The following MAX variants were observed in gnomAD, a reference collection of about 807,000 sequenced individuals.
The protein encoded by MAX is protein max.
MAX carries 3 observed loss-of-function variants against 22.3 expected under a neutral mutation model. The observed-to-expected ratio is 0.13, with a 90% CI of 0.06 to 0.35. MAX has a LOEUF of 0.35. Among genes scored for constraint, MAX ranks in the 10% least tolerant of loss-of-function variants. The pLI, the probability that MAX is intolerant of heterozygous loss-of-function variation, is 1.00. For missense variants in MAX, 119 were observed against 209.4 expected (o/e 0.57, Z 2.66); for synonymous variants, 72 against 77.7 (o/e 0.93, Z 0.39).
chr14:65,080,150 G>C (rs2063166397), intron 3 of MAX, among the ~76,000 whole-genome samples: 1 of 152,174 alleles, frequency 6.6e-6, no homozygotes, highest in South Asian at 2.1e-4. Flanking sequence ...GCTACGCATT[G>C]GCCTTGGTGC....
Position 65,078,451 on chromosome 14 carries a change from A to C in MAX, c.172-415T>G, listed in dbSNP as rs1791452648. Among the ~76,000 whole-genome samples, 1 of 151,588 alleles carries C rather than the reference A, an allele frequency of 6.6e-6. No homozygotes were observed. The highest frequency in any genetic ancestry group is 1.5e-5 in the Non-Finnish European group (1 of 67,966). On this transcript the variant is annotated intron_variant, in intron 3 of 4. Transcript: ENST00000358664. This position sits in a 1 kb window ranked among gnomAD's most constrained non-coding sequence, Gnocchi z 6.4. ...ACTCCTGGCCTCAGGTGATCTGCCC[A>C]CCTTGGCCTCCCAAAATGCTGGGAT...
chr14:65,042,612 G>C (rs1379427538), intron 3 of MAX, among the ~76,000 whole-genome samples: 1 of 152,226 alleles, frequency 6.6e-6, no homozygotes, highest in Non-Finnish European at 1.5e-5. Flanking sequence ...ATGGTCTGGG[G>C]GTTAGGGACC....
rs1393519837 is a variant in MAX, at chr14:65,009,523, G to A, written c.172-3239C>T. Among the ~76,000 whole-genome samples the A allele has an allele frequency of 6.6e-6, 1 of 151,876 alleles. No individual in the cohort carries two copies. Among genetic ancestry groups the A allele is most frequent in the East Asian group, 1.9e-4 (1 of 5,186 alleles). ...TTCCCACATCAGAGACCTATATTTC[G>A]CTAGCTTCGTACCCATCATTTCTCG... is the stretch of plus-strand genomic sequence containing the variant. On this transcript the variant is annotated intron_variant, in intron 3 of 3. Coordinates refer to the MAX transcript ENST00000341653. This position sits in a 1 kb window ranked among gnomAD's most constrained non-coding sequence, Gnocchi z 4.2.
rs1247949621 is a variant in MAX at position 65,088,848 on chromosome 14, T to C, written c.171+4860A>G. Among the ~76,000 whole-genome samples the C allele has an allele frequency of 6.6e-6, 1 of 151,460 alleles. No homozygotes were observed. Among genetic ancestry groups the C allele is most frequent in the African/African-American group, 2.4e-5 (1 of 41,372 alleles). On this transcript the variant is annotated intron_variant, in intron 3 of 4. Coordinates refer to ENST00000358664, the MANE Select transcript of MAX (RefSeq NM_002382.5). The surrounding 1 kb of genome is among the most constrained non-coding windows in gnomAD (Gnocchi z 5.2). ...ATATTAAGTATAATATATAAATGTGTGTACATAAAAGTATAAATGCTATGA... is the reference window on the plus strand; with the variant it reads ...ATATTAAGTATAATATATAAATGTGCGTACATAAAAGTATAAATGCTATGA...
chr14:65,030,696 C>T lies in MAX; in HGVS notation c.172-24412G>A, dbSNP rs1459117353. Among the ~76,000 whole-genome samples the T allele has an allele frequency of 2.6e-5, 4 of 151,466 alleles. No individual in the cohort carries two copies. The highest frequency in any genetic ancestry group is 4.4e-5 in the Non-Finnish European group (3 of 67,944). ...TTGAGGTTGCAGTGAGCCATGATAGCGCCACTGCACTGCAGCCTGGGCAAC... is the reference window on the plus strand; with the variant it reads ...TTGAGGTTGCAGTGAGCCATGATAGTGCCACTGCACTGCAGCCTGGGCAAC... On this transcript the variant is annotated intron_variant, in intron 3 of 3. Coordinates refer to the MAX transcript ENST00000341653. This position sits in a 1 kb window ranked among gnomAD's most constrained non-coding sequence, Gnocchi z 4.5.
chr14:65,076,272 T>G lies in MAX; in HGVS notation c.*204A>C. ...CAGGGAATCCCTGAAGGGAATACAT[T>G]AAAAAATATACAGTGGAAATGGGGA... On this transcript the variant is annotated 3_prime_UTR_variant, in exon 5 of 5. Transcript: ENST00000358664. The surrounding 1 kb of genome is among the most constrained non-coding windows in gnomAD (Gnocchi z 6.6). 1 of 1,440,734 alleles carries G rather than the reference T, an allele frequency of 6.9e-7. No homozygotes were observed. The highest frequency in any genetic ancestry group is 2.5e-5 in the East Asian group (1 of 39,930). 89.2% of individuals were successfully genotyped at this position (1,440,734 alleles called of 1,614,324 possible).
At position 65,077,983 on chromosome 14, in the gene MAX, T is replaced by C. The variant is rs2063104742; in HGVS notation, c.225A>G (p.Arg75=). 6.2e-7 allele frequency: 1 copy of C among 1,614,196 alleles called. No homozygotes were observed. Among genetic ancestry groups the C allele is most frequent in the Middle Eastern group, 1.6e-4 (1 of 6,062 alleles). ...DKATEYIQYM[R]RKNHTHQQDI... is the part of the protein sequence containing the mutation. ...CTTGCTGGTGTGTGTGGTTTTTCCTTCGCATATACTGGATATATTCTGTGG... is the reference window on the plus strand; with the variant it reads ...CTTGCTGGTGTGTGTGGTTTTTCCTCCGCATATACTGGATATATTCTGTGG... The change falls in exon 4 of 5, where the codon CGA becomes CGG. Residue 75 remains arginine (R), a synonymous_variant. Coordinates refer to ENST00000358664, the MANE Select transcript of MAX (RefSeq NM_002382.5). This position sits in a 1 kb window ranked among gnomAD's most constrained non-coding sequence, Gnocchi z 6.3.
rs1486519548 is a variant in MAX at position 65,088,187 on chromosome 14, A to G, written c.171+5521T>C. On this transcript the variant is annotated intron_variant, in intron 3 of 4. Transcript: ENST00000358664. The surrounding 1 kb of genome is among the most constrained non-coding windows in gnomAD (Gnocchi z 5.2). ...ATCAGCAGCACGAAAACGGACTAAT[A>G]CAAGGGTGTATAGTAACTGGAAGGT... is the stretch of plus-strand genomic sequence containing the variant. 2.0e-5 allele frequency among the ~76,000 whole-genome samples: 3 copies of G among 152,152 alleles called. No homozygotes were observed. Among genetic ancestry groups the G allele is most frequent in the Non-Finnish European group, 2.9e-5 (2 of 68,024 alleles).
rs530407196 is a variant in MAX, at chr14:65,027,440, G to T, written c.172-21156C>A. ...TCTCTGACTTTGTTTTTGCCCTTTGGCTGTGTACCTAGTGTGTGTCAGTTC... is the reference window on the plus strand; with the variant it reads ...TCTCTGACTTTGTTTTTGCCCTTTGTCTGTGTACCTAGTGTGTGTCAGTTC... On this transcript the variant is annotated intron_variant, in intron 3 of 3. Coordinates refer to the MAX transcript ENST00000341653. This position sits in a 1 kb window ranked among gnomAD's most constrained non-coding sequence, Gnocchi z 5.7. The T allele has an allele frequency of 6.2e-7, 1 of 1,613,446 alleles. No homozygotes were observed. Among genetic ancestry groups the T allele is most frequent in the African/African-American group, 1.3e-5 (1 of 74,986 alleles).
chr14:65,098,378 G>T (rs76152651), intron 2 of MAX, among the ~76,000 whole-genome samples: 1 of 152,184 alleles, frequency 6.6e-6, no homozygotes, highest in Non-Finnish European at 1.5e-5. Context: ...GCTCTGAGAA[G>T]TTAAAAATAT....
Position 65,084,258 on chromosome 14 carries a change from A to G in MAX, c.172-6222T>C, listed in dbSNP as rs2063269640. ...GGCATTTCTGCATCAAACTTTGACG[A>G]TGAAGGACAGGAGTACACAATTTCC... On this transcript the variant is annotated intron_variant, in intron 3 of 4. Transcript: ENST00000358664. This position sits in a 1 kb window ranked among gnomAD's most constrained non-coding sequence, Gnocchi z 4.3. The G allele has an allele frequency of 3.1e-6, 5 of 1,613,728 alleles. No individual in the cohort carries two copies. The highest frequency in any genetic ancestry group is 4.2e-6 in the Non-Finnish European group (5 of 1,179,712).
chr14:65,044,941 G>A lies in MAX; in HGVS notation c.172-38657C>T, dbSNP rs1342219897. Among the ~76,000 whole-genome samples the A allele has an allele frequency of 2.6e-5, 4 of 152,148 alleles. No individual in the cohort carries two copies. In the South Asian group the frequency reaches 6.2e-4, roughly 24 times the overall value. On this transcript the variant is annotated intron_variant, in intron 3 of 3. Coordinates refer to the MAX transcript ENST00000341653. This position sits in a 1 kb window ranked among gnomAD's most constrained non-coding sequence, Gnocchi z 5.5. ...CCCCTACACCATGGAGAAGAGACTC[G>A]CCGTGTCTGACTGGCTGCAGAGTTG...
At chr14:65,040,000 G>A (rs572652116) in intron 3 of MAX, among the ~76,000 whole-genome samples, 1 of 152,136 alleles carries the variant, frequency 6.6e-6, no homozygotes, top group South Asian at 2.1e-4. Flanking sequence ...ACCAGCCTGG[G>A]TAACATGGCA....
chr14:65,019,921 AT>A (rs1338909114), intron 3 of MAX, among the ~76,000 whole-genome samples: 2 of 152,164 alleles, frequency 1.3e-5, no homozygotes, highest in African/African-American at 4.8e-5. Context: ...TTGCCTTTTT[AT>A]TTATCTTGCA....
At chr14:65,043,859 A>G (rs1466859364) in intron 3 of MAX, among the ~76,000 whole-genome samples, 2 of 143,110 alleles carry the variant, frequency 1.4e-5, no homozygotes, top group Non-Finnish European at 3.1e-5. Context: ...AAAAAAAAAA[A>G]AGAAATGTAG....
Position 65,069,254 on chromosome 14 carries a change from C to T in MAX, c.171+24454G>A, listed in dbSNP as rs138223090. Among the ~76,000 whole-genome samples the T allele has an allele frequency of 0.012, 1,757 of 152,164 alleles. 14 individuals are homozygous for T. Among genetic ancestry groups the T allele is most frequent in the Middle Eastern group, 0.024 (7 of 294 alleles). On this transcript the variant is annotated intron_variant, in intron 3 of 3. Transcript: ENST00000341653. The surrounding 1 kb of genome is among the most constrained non-coding windows in gnomAD (Gnocchi z 4.6). ...CCCTCCCTTCACCAACAGCCCCCCA[C>T]CCCCAGCCTGTCTGGACAGCTAGAT...
intron 3 of MAX, among the ~76,000 whole-genome samples, chr14:65,085,962 G>A (rs533153163): frequency 7.2e-5 from 11 of 152,276 alleles, no homozygotes; most frequent in South Asian, 2.1e-4. Flanking sequence ...CCCATGTGTC[G>A]GGGGAGGAAC....
At chr14:65,091,435 A>G (rs1301440644) in intron 3 of MAX, among the ~76,000 whole-genome samples, 1 of 152,124 alleles carries the variant, frequency 6.6e-6, no homozygotes, top group African/African-American at 2.4e-5. Context: ...TAAATTCTCA[A>G]ATTGGGGTTT....
downstream of MAX, among the ~76,000 whole-genome samples, chr14:65,071,639 C>G (rs1170798988): frequency 6.6e-6 from 1 of 152,236 alleles, no homozygotes; most frequent in Non-Finnish European, 1.5e-5. The surrounding 1 kb of genome is among the most constrained non-coding windows in gnomAD (Gnocchi z 4.2). Flanking sequence ...GAAGCCAGAG[C>G]AATGTCACCC....
Sources: allele counts gnomAD v4.1 joint callset (sites outside exome capture counted in the v4.1 genomes callset), GRCh38; gene constraint gnomAD v4.1.1; non-coding constraint Gnocchi (gnomAD v3.1); transcripts MANE v1.5; gene names NCBI Gene and HGNC (gene_info 2026-07-23, HGNC 2026-07-21).